SLC4A4: variants seen among roughly 807,000 people sequenced by gnomAD.
SLC4A4 encodes electrogenic sodium bicarbonate cotransporter 1.
Under a neutral mutation model 111.5 loss-of-function variants are expected in SLC4A4, and 27 were observed. The observed-to-expected ratio is 0.24, with a 90% confidence interval of 0.18 to 0.33. The LOEUF (loss-of-function observed/expected upper bound fraction) is 0.33, where lower values mean the gene tolerates loss of function less well. SLC4A4 is among the 10% of genes least tolerant of loss of function. The pLI is 1.00. For missense variants in SLC4A4, 909 were observed against 1,315.5 expected, an observed-to-expected ratio of 0.69 and a Z score of 4.78; for synonymous variants, 443 against 463.4, an observed-to-expected ratio of 0.96 and a Z score of 0.57.
chr4:71,099,311 G>A (rs1401180715), intron 2 of SLC4A4, among the ~76,000 whole-genome samples: 2 of 152,068 alleles, frequency 1.3e-5, no homozygotes, highest in East Asian at 1.9e-4. Context: ...TGAAAACCAT[G>A]CAATTTCATG....
chr4:71,290,678 G>T (rs975354585), intron 3 of SLC4A4, among the ~76,000 whole-genome samples: 2 of 152,190 alleles, frequency 1.3e-5, no homozygotes, highest in African/African-American at 4.8e-5. Context: ...CAAGGGAAAT[G>T]GTGAGGTCAC....
chr4:71,454,088 A>G (rs1240299418), intron 12 of SLC4A4, among the ~76,000 whole-genome samples: 1 of 152,164 alleles, frequency 6.6e-6, no homozygotes, highest in African/African-American at 2.4e-5. Context: ...ATAGCTTCCA[A>G]CCATTGAGCG....
At chr4:71,100,887 G>C (rs1483256719) in intron 2 of SLC4A4, among the ~76,000 whole-genome samples, 2 of 152,204 alleles carry the variant, frequency 1.3e-5, no homozygotes, top group Admixed American at 6.5e-5. Context: ...TAACTAACCA[G>C]GGAGGTGAAA....
At chr4:71,281,387 A>G (rs1163653955) in intron 3 of SLC4A4, among the ~76,000 whole-genome samples, 1 of 152,184 alleles carries the variant, frequency 6.6e-6, no homozygotes, top group Admixed American at 6.5e-5. Flanking sequence ...ACACTAGGAT[A>G]TATGTCAGGA....
At chr4:71,321,721 G>C (rs765008586) in intron 3 of SLC4A4, among the ~76,000 whole-genome samples, 5 of 151,928 alleles carry the variant, frequency 3.3e-5, no homozygotes, top group African/African-American at 4.8e-5. Context: ...CCATTCCCCA[G>C]ATAATGTATT....
intron 7 of SLC4A4, among the ~76,000 whole-genome samples, chr4:71,418,211 C>A (rs1413041751): frequency 6.6e-6 from 1 of 152,030 alleles, no homozygotes; most frequent in East Asian, 1.9e-4. Flanking sequence ...AGTTTAATAG[C>A]CATTTGTAAA....
At chr4:71,092,254 T>G (rs530294265) in intron 1 of SLC4A4, among the ~76,000 whole-genome samples, 20 of 149,476 alleles carry the variant, frequency 1.3e-4, no homozygotes, top group Non-Finnish European at 1.3e-4. Context: ...AGTAGAAGCT[T>G]CTCTTAACTT....
At chr4:71,361,970 C>G (rs1039896938) in intron 6 of SLC4A4, among the ~76,000 whole-genome samples, 7 of 151,812 alleles carry the variant, frequency 4.6e-5, no homozygotes, top group Admixed American at 3.9e-4. Flanking sequence ...TTTAAATGTA[C>G]CATTTAAATG....
At chr4:71,253,046 A>G (rs757450013) in intron 2 of SLC4A4, among the ~76,000 whole-genome samples, 1 of 152,194 alleles carries the variant, frequency 6.6e-6, no homozygotes, top group African/African-American at 2.4e-5. Flanking sequence ...GGAAGTGCAC[A>G]GGGAAAACCA....
At chr4:71,279,846 A>G (rs531033145) in intron 3 of SLC4A4, among the ~76,000 whole-genome samples, 1 of 152,094 alleles carries the variant, frequency 6.6e-6, no homozygotes, top group African/African-American at 2.4e-5. Context: ...CCCAGGCTGG[A>G]GCGCAGTGGC....
At chr4:71,559,445 C>T (rs144318962) in intron 22 of SLC4A4, among the ~76,000 whole-genome samples, 1 of 151,876 alleles carries the variant, frequency 6.6e-6, no homozygotes, top group African/African-American at 2.4e-5. Flanking sequence ...TGTCTCTAAC[C>T]TTCAATTTCC....
At chr4:71,328,345 C>G (rs1237326406) in intron 3 of SLC4A4, among the ~76,000 whole-genome samples, 1 of 152,058 alleles carries the variant, frequency 6.6e-6, no homozygotes, top group Non-Finnish European at 1.5e-5. Context: ...GAGCATATAC[C>G]TAGCGGTGGG....
rs111426540 is a variant in SLC4A4 at position 71,520,564 on chromosome 4, C to T, written c.2167-11498C>T. Among the ~76,000 whole-genome samples, 273 of 152,296 alleles carry T rather than the reference C, an allele frequency of 1.8e-3. 1 individual carries two copies. The highest frequency in any genetic ancestry group is 6.5e-3 in the African/African-American group (269 of 41,574). On this transcript the variant is annotated intron_variant, in intron 16 of 25. Transcript: ENST00000264485. ...CTATCTACAAACTTCAGTTACCTCA[C>T]CTATAAAGGGAAAGTTTGGCTAGAT...
chr4:71,534,290 C>T lies in SLC4A4; in HGVS notation c.2344C>T (p.Leu782Phe), dbSNP rs1303838630. The change falls in exon 18 of 26, where the codon CTT (leucine) becomes TTT (phenylalanine). Residue 782 changes from leucine to phenylalanine, a missense_variant. Around this residue, in one of 7 missense-constraint regions of SLC4A4, gnomAD observed 264 missense variants for 356.8 expected, o/e 0.74. Transcript: ENST00000264485. The part of the protein sequence containing the change: ...PFGENPWWVC[L>F]AAAIPALLVT... ...TGGAGAAAACCCCTGGTGGGTGTGC[C>T]TTGCTGCTGCTATCCCGGCTTTGTT... is the stretch of plus-strand genomic sequence containing the variant. 1 of 1,613,564 alleles carries T rather than the reference C, an allele frequency of 6.2e-7. No individual in the cohort carries two copies. The highest frequency in any genetic ancestry group is 1.3e-5 in the African/African-American group (1 of 74,882).
chr4:71,569,509 G>A lies in SLC4A4; in HGVS notation c.*1758G>A, dbSNP rs144894863. On this transcript the variant is annotated 3_prime_UTR_variant, in exon 26 of 26. Coordinates refer to ENST00000264485, the MANE Select transcript of SLC4A4 (RefSeq NM_001098484.3). Reference sequence around the variant, plus strand: ...TAGACATTTATTAACCAAATTTAACGTGGTATTTAAAGGTAATATTTTTAA... The same window carrying A: ...TAGACATTTATTAACCAAATTTAACATGGTATTTAAAGGTAATATTTTTAA... The A allele has an allele frequency of 1.3e-5, 2 of 151,544 alleles. No homozygotes were observed. Among genetic ancestry groups the A allele is most frequent in the Admixed American group, 6.6e-5 (1 of 15,172 alleles). The allele number at this position is 151,544 out of a possible 1,614,324, so 9.4% of individuals were successfully genotyped here. A position where few individuals can be genotyped will look rare whatever the true frequency, so the allele number is the denominator to read the frequency against.
intron 14 of SLC4A4, among the ~76,000 whole-genome samples, chr4:71,474,343 C>T (rs1206143676): frequency 1.3e-5 from 2 of 151,820 alleles, no homozygotes; most frequent in Non-Finnish European, 2.9e-5. Context: ...ATATCCACTG[C>T]GACTTACAGA....
At chr4:71,482,020 A>G (rs1470797358) in intron 14 of SLC4A4, among the ~76,000 whole-genome samples, 7 of 151,614 alleles carry the variant, frequency 4.6e-5, no homozygotes, top group Non-Finnish European at 1.0e-4. Context: ...CTTTTCCAGA[A>G]TCCTAATTAA....
intron 12 of SLC4A4, among the ~76,000 whole-genome samples, chr4:71,462,562 C>T (rs922286484): frequency 5.3e-5 from 8 of 151,926 alleles, no homozygotes; most frequent in Non-Finnish European, 1.2e-4. Context: ...GTGTGCACCA[C>T]CATGCCTGGC....
At chr4:71,142,959 T>C (rs557419945) in intron 2 of SLC4A4, among the ~76,000 whole-genome samples, 2 of 152,032 alleles carry the variant, frequency 1.3e-5, no homozygotes, top group South Asian at 4.2e-4. Context: ...ATTATTATTA[T>C]TATTATACTT....
Sources: gnomAD v4.1 joint callset for allele counts (sites outside exome capture counted in the v4.1 genomes callset) on GRCh38, gnomAD v4.1.1 for gene constraint, gnomAD v4.1.1 regional missense constraint, MANE v1.5 for transcripts, NCBI Gene and HGNC (gene_info 2026-07-23, HGNC 2026-07-21) for gene names.